Variants in CHRM3 observed in about 807,000 individuals in gnomAD.
CHRM3 encodes muscarinic acetylcholine receptor M3.
In CHRM3, 11 loss-of-function variants were observed where a neutral mutation model predicts 41.8. The ratio of observed to expected loss-of-function variants is 0.26; its 90% confidence interval spans 0.17 to 0.44. CHRM3 has a LOEUF of 0.44. CHRM3 is among the 20% of genes least tolerant of loss of function. CHRM3 has a pLI of 1.00. For synonymous variants in CHRM3, 297 were observed against 301.4 expected (o/e 0.99, Z 0.15); for missense variants, 571 against 745.4 (o/e 0.77, Z 2.72).
chr1:239,522,702 A>C (rs570531111), intron 2 of CHRM3, among the ~76,000 whole-genome samples: 9 of 152,274 alleles, frequency 5.9e-5, no homozygotes, highest in Middle Eastern at 3.4e-3. Context: ...AGATGCGTTT[A>C]GACTTCGAGT....
At chr1:239,422,654 G>A (rs1024577901) in intron 1 of CHRM3, among the ~76,000 whole-genome samples, 3 of 151,944 alleles carry the variant, frequency 2.0e-5, no homozygotes, top group Non-Finnish European at 4.4e-5. Flanking sequence ...AATTAGCCAG[G>A]CATGGTGGCG....
chr1:239,647,015 T>G (rs1017726319), intron 4 of CHRM3, among the ~76,000 whole-genome samples: 2 of 152,218 alleles, frequency 1.3e-5, no homozygotes, highest in Non-Finnish European at 2.9e-5. Flanking sequence ...ATCTTATCCC[T>G]TTGTACATCA....
At chr1:239,596,804 C>A (rs190609188) in intron 3 of CHRM3, among the ~76,000 whole-genome samples, 3 of 152,128 alleles carry the variant, frequency 2.0e-5, no homozygotes, top group Middle Eastern at 3.4e-3. Context: ...GATAAGGGGG[C>A]AGAAAAGTGG....
At chr1:239,865,638 G>A (rs1676028633) in intron 6 of CHRM3, among the ~76,000 whole-genome samples, 1 of 152,140 alleles carries the variant, frequency 6.6e-6, no homozygotes, top group African/African-American at 2.4e-5. Context: ...ATGTTCAGGG[G>A]TCAACAGGAA....
intron 1 of CHRM3, among the ~76,000 whole-genome samples, chr1:239,395,582 T>C (rs763648708): frequency 2.0e-5 from 3 of 152,172 alleles, no homozygotes; most frequent in Non-Finnish European, 4.4e-5. Context: ...TTTCTGCAAC[T>C]TAAATGTGCA....
chr1:239,669,737 A>G (rs1269615418), intron 4 of CHRM3, among the ~76,000 whole-genome samples: 1 of 152,236 alleles, frequency 6.6e-6, no homozygotes. Flanking sequence ...TATACTAATT[A>G]TAATATTGTC....
intron 6 of CHRM3, among the ~76,000 whole-genome samples, chr1:239,835,786 T>C (rs1339237655): frequency 6.6e-6 from 1 of 152,198 alleles, no homozygotes; most frequent in Admixed American, 6.5e-5. Context: ...AATGTATTTA[T>C]TTCCATAGGA....
rs1173589452 is a variant in CHRM3, at chr1:239,460,102, C to T, written c.-520-32607C>T. On this transcript the variant is annotated intron_variant, in intron 1 of 6. Coordinates refer to ENST00000676153, the MANE Select transcript of CHRM3 (RefSeq NM_001375978.1). ...ATGGTCAAACTGAGATTGAAACAATCATAGTCCGGCTCCAGAACAGGTTCT... is the reference window on the plus strand; with the variant it reads ...ATGGTCAAACTGAGATTGAAACAATTATAGTCCGGCTCCAGAACAGGTTCT... Among the ~76,000 whole-genome samples, 4 of 152,118 alleles carry T rather than the reference C, an allele frequency of 2.6e-5. No homozygotes were observed. The East Asian group carries it at 5.8e-4, about 22-fold the overall frequency.
intron 5 of CHRM3, among the ~76,000 whole-genome samples, chr1:239,784,741 T>G (rs1558119926): frequency 1.3e-5 from 2 of 152,288 alleles, no homozygotes; most frequent in South Asian, 4.1e-4. Flanking sequence ...GGTTTTTTGT[T>G]TGTTTTTGTT....
At chr1:239,810,888 T>A (rs1363236346) in intron 5 of CHRM3, among the ~76,000 whole-genome samples, 1 of 152,186 alleles carries the variant, frequency 6.6e-6, no homozygotes, top group Non-Finnish European at 1.5e-5. Context: ...TAAGAATAAA[T>A]TTCATTACCA....
At chr1:239,798,835 T>A (rs1465999822) in intron 5 of CHRM3, among the ~76,000 whole-genome samples, 1 of 152,168 alleles carries the variant, frequency 6.6e-6, no homozygotes. Context: ...AGAAATACTG[T>A]CAATCATATG....
At chr1:239,563,710 A>C (rs1036800539) in intron 3 of CHRM3, among the ~76,000 whole-genome samples, 3 of 152,144 alleles carry the variant, frequency 2.0e-5, no homozygotes, top group African/African-American at 7.2e-5. Context: ...CTCTTTATTT[A>C]TGGTTACTCT....
At chr1:239,766,698 T>C (rs1301659124) in intron 5 of CHRM3, among the ~76,000 whole-genome samples, 3 of 147,178 alleles carry the variant, frequency 2.0e-5, no homozygotes, top group African/African-American at 8.1e-5. Flanking sequence ...TAGATATAGA[T>C]ATAGATATAG....
intron 5 of CHRM3, among the ~76,000 whole-genome samples, chr1:239,788,745 G>A (rs150457471): frequency 2.0e-5 from 3 of 152,200 alleles, no homozygotes; most frequent in Non-Finnish European, 2.9e-5. Context: ...CAGCCTGGGC[G>A]ACAGAGTGAG....
chr1:239,720,642 CT>C (rs1662874677), intron 5 of CHRM3, among the ~76,000 whole-genome samples: 1 of 151,796 alleles, frequency 6.6e-6, no homozygotes, highest in South Asian at 2.1e-4. Context: ...TTCAGTGTTT[CT>C]TTTTCTTATT....
chr1:239,521,338 T>C (rs1183955673), intron 2 of CHRM3, among the ~76,000 whole-genome samples: 2 of 152,144 alleles, frequency 1.3e-5, no homozygotes, highest in Non-Finnish European at 2.9e-5. Context: ...ATGGTTCCAG[T>C]GAAATCAGAG....
At position 239,915,239 on chromosome 1, in the gene CHRM3, GC is replaced by G. The variant is rs1170321451; in HGVS notation, c.*6017del. On this transcript the variant is annotated 3_prime_UTR_variant, in exon 7 of 7. Coordinates refer to ENST00000676153, the MANE Select transcript of CHRM3 (RefSeq NM_001375978.1). ...CATCTAAAACAGTGTCCACATCTTT[GC>G]CAAAGGCACTGAATTTTACCTTTTT... is the stretch of plus-strand genomic sequence containing the variant. 1.2e-5 allele frequency: 2 copies of G among 167,096 alleles called. No homozygotes were observed. Among genetic ancestry groups the G allele is most frequent in the Non-Finnish European group, 1.5e-5 (1 of 68,118 alleles). The allele number at this position is 167,096 out of a possible 1,614,324, so 10.4% of individuals were successfully genotyped here.
chr1:239,748,737 T>C lies in CHRM3; in HGVS notation c.-147+70449T>C, dbSNP rs16838874. Among the ~76,000 whole-genome samples the C allele has an allele frequency of 0.043, 6,550 of 152,328 alleles. 225 individuals carry two copies. The highest frequency in any genetic ancestry group is 0.083 in the African/African-American group (3,460 of 41,570). The stretch of plus-strand genomic sequence containing the variant: ...TTGATAAACATAGTTAACCCTTAAA[T>C]ACCAACTTCATTTAACAAGGAATAA... On this transcript the variant is annotated intron_variant, in intron 5 of 6. Transcript: ENST00000676153. This position sits in a 1 kb window ranked among gnomAD's most constrained non-coding sequence, Gnocchi z 4.3.
intron 1 of CHRM3, among the ~76,000 whole-genome samples, chr1:239,468,581 T>A (rs1307918569): frequency 6.6e-6 from 1 of 152,190 alleles, no homozygotes; most frequent in Non-Finnish European, 1.5e-5. Context: ...GGTCTTTAAA[T>A]TCTATGCTTT....
Sources: gnomAD v4.1 joint callset for allele counts (sites outside exome capture counted in the v4.1 genomes callset) on GRCh38, gnomAD v4.1.1 for gene constraint, Gnocchi (gnomAD v3.1) non-coding constraint, MANE v1.5 for transcripts, NCBI Gene and HGNC (gene_info 2026-07-23, HGNC 2026-07-21) for gene names.